SLC36A1: variants seen among roughly 807,000 people sequenced by gnomAD.
SLC36A1 encodes proton-coupled amino acid transporter 1.
A neutral mutation model predicts 47.5 loss-of-function variants in SLC36A1; 30 were observed. The observed-to-expected ratio is 0.63, with a 90% CI of 0.47 to 0.86. The LOEUF (loss-of-function observed/expected upper bound fraction) is 0.86, where lower values mean the gene tolerates loss of function less well. Ranked by LOEUF, SLC36A1 falls within the 40% of genes least tolerant of loss-of-function variation. The pLI, the probability that SLC36A1 is intolerant of heterozygous loss-of-function variation, is 0.00. For missense variants in SLC36A1, 517 were observed against 606.0 expected, an observed-to-expected ratio of 0.85 and a Z score of 1.54; for synonymous variants, 255 against 249.7, an observed-to-expected ratio of 1.02 and a Z score of -0.20.
At chr5:151,552,018 G>C in the SLC36A1 span, among the ~76,000 whole-genome samples, 1 of 135,502 alleles carries the variant, frequency 7.4e-6, no homozygotes, top group Non-Finnish European at 1.6e-5. Context: ...TGTGTGTAAA[G>C]GAAAAATGAC....
chr5:151,547,243 C>T, the SLC36A1 span, among the ~76,000 whole-genome samples: 1 of 152,148 alleles, frequency 6.6e-6, no homozygotes, highest in African/African-American at 2.4e-5. Context: ...AAGGTCTGAG[C>T]CTGTGAGCTA....
At chr5:151,494,210 T>C (rs165328), downstream of SLC36A1, among the ~76,000 whole-genome samples, 58,021 of 152,066 alleles carry the variant, frequency 0.38, 14,491 homozygotes, top group African/African-American at 0.72. Context: ...CCTCATACTT[T>C]GCCCATTGCG....
chr5:151,392,183 T>C, the SLC36A1 span, among the ~76,000 whole-genome samples: 1 of 152,240 alleles, frequency 6.6e-6, no homozygotes, highest in African/African-American at 2.4e-5. Flanking sequence ...TTCTAGTTTA[T>C]TTGCGTAGAG....
chr5:151,463,685 A>G, intron 3 of SLC36A1, 42 bp downstream of exon 3: 1 of 1,456,328 alleles, frequency 6.9e-7, no homozygotes. Context: ...GACAAATTTT[A>G]GGAGGTAGCT....
At chr5:151,515,765 G>T in the SLC36A1 span, among the ~76,000 whole-genome samples, 1 of 152,074 alleles carries the variant, frequency 6.6e-6, no homozygotes, top group Non-Finnish European at 1.5e-5. Flanking sequence ...CCAAATTATT[G>T]CAGTGGCCTC....
chr5:151,503,498 G>T, the SLC36A1 span, among the ~76,000 whole-genome samples: 1 of 150,290 alleles, frequency 6.7e-6, no homozygotes, highest in Non-Finnish European at 1.5e-5. Flanking sequence ...CACTGCCTGC[G>T]TGGTGTCTCC....
the SLC36A1 span, chr5:151,546,441 A>C: frequency 1.3e-6 from 1 of 753,602 alleles, no homozygotes; most frequent in South Asian, 1.8e-5. Flanking sequence ...TGGACAGAGC[A>C]AAATCTGCAT....
chr5:151,507,197 G>A, the SLC36A1 span: 6 of 1,607,866 alleles, frequency 3.7e-6, no homozygotes, highest in Non-Finnish European at 3.4e-6. Flanking sequence ...CAGGCTCATT[G>A]TCAGAGTGGG....
chr5:151,525,632 A>C, the SLC36A1 span: 1 of 889,422 alleles, frequency 1.1e-6, no homozygotes, highest in Non-Finnish European at 1.7e-6. Flanking sequence ...TAGTCCTGAG[A>C]AGGACCTAGC....
chr5:151,546,303 C>T, the SLC36A1 span: 4 of 1,613,616 alleles, frequency 2.5e-6, no homozygotes, highest in East Asian at 4.5e-5. Context: ...TGATGCCTAG[C>T]AGGGCATTGA....
At chr5:151,394,480 T>C in the SLC36A1 span, among the ~76,000 whole-genome samples, 1 of 152,252 alleles carries the variant, frequency 6.6e-6, no homozygotes, top group Admixed American at 6.5e-5. Context: ...AGAGGCTCTC[T>C]GATTTTTAGA....
At chr5:151,399,431 A>G in the SLC36A1 span, among the ~76,000 whole-genome samples, 1 of 151,988 alleles carries the variant, frequency 6.6e-6, no homozygotes, top group Non-Finnish European at 1.5e-5. Flanking sequence ...GGATGTGTGT[A>G]TTTTTTCTGA....
chr5:151,531,073 T>C, the SLC36A1 span, among the ~76,000 whole-genome samples: 1 of 152,172 alleles, frequency 6.6e-6, no homozygotes, highest in East Asian at 1.9e-4. This position sits in a 1 kb window ranked among gnomAD's most constrained non-coding sequence, Gnocchi z 5.7. Context: ...TTGAGTCTTC[T>C]GTGGCTAGTA....
At chr5:151,409,796 A>G in the SLC36A1 span, among the ~76,000 whole-genome samples, 1 of 152,178 alleles carries the variant, frequency 6.6e-6, no homozygotes, top group Non-Finnish European at 1.5e-5. Flanking sequence ...TGATCATCCA[A>G]ATCAGCTGGG....
chr5:151,445,828 T>A (rs928446774), upstream of SLC36A1, among the ~76,000 whole-genome samples: 7 of 152,190 alleles, frequency 4.6e-5, no homozygotes, highest in African/African-American at 1.7e-4. Flanking sequence ...GAAGCTTCTG[T>A]TGTAGTGTCT....
the SLC36A1 span, among the ~76,000 whole-genome samples, chr5:151,345,348 A>T: frequency 6.6e-6 from 1 of 152,182 alleles, no homozygotes; most frequent in Admixed American, 6.5e-5. Flanking sequence ...CAAGGCCACG[A>T]CTTAACTAGC....
the SLC36A1 span, among the ~76,000 whole-genome samples, chr5:151,364,060 C>G: frequency 2.6e-5 from 4 of 152,172 alleles, no homozygotes; most frequent in Non-Finnish European, 4.4e-5. Context: ...TTACATTTCT[C>G]TTGACTGTGA....
chr5:151,366,723 T>C, the SLC36A1 span: 1 of 154,108 alleles, frequency 6.5e-6, no homozygotes, highest in Non-Finnish European at 1.4e-5. Flanking sequence ...ACAATTAAAA[T>C]CCGAGCATGG....
chr5:151,523,931 T>C, the SLC36A1 span, among the ~76,000 whole-genome samples: 5 of 152,088 alleles, frequency 3.3e-5, no homozygotes, highest in Non-Finnish European at 7.4e-5. Flanking sequence ...AATTTAGAAA[T>C]CACCCCTGAA....
Sources: allele counts gnomAD v4.1 joint callset (sites outside exome capture counted in the v4.1 genomes callset), GRCh38; gene constraint gnomAD v4.1.1; non-coding constraint Gnocchi (gnomAD v3.1); transcripts MANE v1.5; gene names NCBI Gene and HGNC (gene_info 2026-07-23, HGNC 2026-07-21).